Variants in SGMS1 observed in about 807,000 individuals in gnomAD.
SGMS1 encodes sphingomyelin synthase 1, also known as phosphatidylcholine:ceramide cholinephosphotransferase 1.
In SGMS1, 13 loss-of-function variants were observed where a neutral mutation model predicts 46.2. The ratio of observed to expected loss-of-function variants is 0.28; its 90% CI spans 0.18 to 0.45. The LOEUF (loss-of-function observed/expected upper bound fraction) is 0.45. SGMS1 is among the 20% of genes least tolerant of loss of function. The probability of loss-of-function intolerance (pLI) is 1.00; values close to 1 mark genes in which losing one functional copy is unlikely to be tolerated. For missense variants in SGMS1, 324 were observed against 519.9 expected (o/e 0.62, Z 3.66); for synonymous variants, 203 against 187.8 (o/e 1.08, Z -0.66).
At chr10:50,617,616 C>CGACAGA (rs2131941680) in intron 1 of SGMS1, among the ~76,000 whole-genome samples, 1 of 152,266 alleles carries the variant, frequency 6.6e-6, no homozygotes, top group South Asian at 2.1e-4. Context: ...GGGTCTCACT[C>CGACAGA]TGTCACCCAG....
At chr10:50,612,967 G>A (rs1194630322) in intron 1 of SGMS1, among the ~76,000 whole-genome samples, 2 of 152,148 alleles carry the variant, frequency 1.3e-5, no homozygotes, top group Non-Finnish European at 2.9e-5. Context: ...TAAAAACAAA[G>A]AAAGTAAACT....
At chr10:50,444,963 A>T (rs1320410894) in intron 5 of SGMS1, among the ~76,000 whole-genome samples, 2 of 152,196 alleles carry the variant, frequency 1.3e-5, no homozygotes, top group Non-Finnish European at 2.9e-5. Flanking sequence ...CATGTATCTG[A>T]CCAAAGACAC....
intron 5 of SGMS1, among the ~76,000 whole-genome samples, chr10:50,444,324 AAAG>A (rs1285927682): frequency 6.6e-6 from 1 of 152,228 alleles, no homozygotes; most frequent in Non-Finnish European, 1.5e-5. Flanking sequence ...AAACATAATA[AAAG>A]AAGACTACAG....
chr10:50,606,750 C>T (rs1838700580), intron 1 of SGMS1, among the ~76,000 whole-genome samples: 1 of 152,254 alleles, frequency 6.6e-6, no homozygotes, highest in Non-Finnish European at 1.5e-5. Flanking sequence ...AAGTAAACAT[C>T]ACAACAGCAT....
Position 50,623,762 on chromosome 10 carries a change from A to G in SGMS1, c.-739T>C. 1 of 985,422 alleles carries G rather than the reference A, an allele frequency of 1.0e-6. No homozygotes were observed. Among genetic ancestry groups the G allele is most frequent in the Non-Finnish European group, 1.2e-6 (1 of 829,964 alleles). 61.0% of individuals were successfully genotyped at this position (985,422 alleles called of 1,614,324 possible). ...TCCGCTCGCGGAGCCCCCGCCGCGG[A>G]ATGAAATCCGGGGCAGGGCAGCGTC... On this transcript the variant is annotated 5_prime_UTR_variant, in exon 1 of 11. Transcript: ENST00000361781.
At chr10:50,331,306 A>G (rs1847620493) in intron 7 of SGMS1, among the ~76,000 whole-genome samples, 1 of 152,204 alleles carries the variant, frequency 6.6e-6, no homozygotes, top group Non-Finnish European at 1.5e-5. Context: ...GGGAAAAGTG[A>G]GGTTTAGAGA....
upstream of SGMS1, chr10:50,623,989 C>T: frequency 1.2e-5 from 12 of 985,456 alleles, no homozygotes; most frequent in South Asian, 4.7e-5. Flanking sequence ...CCCGAGCCGG[C>T]CCGGCTTCCC....
intron 2 of SGMS1, among the ~76,000 whole-genome samples, chr10:50,542,426 A>G (rs1838061350): frequency 6.6e-6 from 1 of 152,278 alleles, no homozygotes; most frequent in South Asian, 2.1e-4. Flanking sequence ...GAGATACTTG[A>G]AAGATTGAGA....
At chr10:50,541,746 A>G (rs1838054525) in intron 2 of SGMS1, among the ~76,000 whole-genome samples, 1 of 152,220 alleles carries the variant, frequency 6.6e-6, no homozygotes, top group East Asian at 1.9e-4. Flanking sequence ...TTTTGAGTTT[A>G]ATCAAGAGAA....
chr10:50,307,315 T>G lies in SGMS1; in HGVS notation c.1069A>C (p.Lys357Gln), dbSNP rs202017637. 5.0e-6 allele frequency: 8 copies of G among 1,612,478 alleles called. No homozygotes were observed. Among genetic ancestry groups the G allele is most frequent in the Non-Finnish European group, 6.8e-6 (8 of 1,179,222 alleles). ...AGGAGGTTCATCTGGGAAGCTTCCT[T>G]TAGCACCTAGGATAACAAAGAAACA... ...YHTMANQQVL[K>Q]EASQMNLLAR... Residue 357 changes from lysine to glutamine, a missense_variant, in exon 11 of 11, where the codon AAG (lysine) becomes CAG (glutamine). Transcript: ENST00000361781. This position sits in a 1 kb window ranked among gnomAD's most constrained non-coding sequence, Gnocchi z 4.2.
chr10:50,312,409 G>A (rs2133278149), intron 8 of SGMS1, among the ~76,000 whole-genome samples: 1 of 150,336 alleles, frequency 6.7e-6, no homozygotes, highest in South Asian at 2.1e-4. Flanking sequence ...AATCCAAAGA[G>A]ATCACTGAAT....
At chr10:50,578,249 C>T (rs963538785) in intron 2 of SGMS1, among the ~76,000 whole-genome samples, 14 of 152,180 alleles carry the variant, frequency 9.2e-5, no homozygotes, top group East Asian at 3.9e-4. Context: ...AATACAGCCC[C>T]GCTCCCTTTG....
Position 50,378,878 on chromosome 10 carries a change from T to G in SGMS1, c.-231-34533A>C, listed in dbSNP as rs954600650. On this transcript the variant is annotated intron_variant, in intron 6 of 10. Coordinates refer to ENST00000361781, the MANE Select transcript of SGMS1 (RefSeq NM_147156.4). ...TGCACTGAGCTTGGGGTTACTACAT[T>G]ATTCTCAAATGAGTAGGGAGGTTTT... Among the ~76,000 whole-genome samples, 3 of 152,184 alleles carry G rather than the reference T, an allele frequency of 2.0e-5. No individual in the cohort carries two copies. The South Asian group carries it at 6.2e-4, about 32-fold the overall frequency.
intron 2 of SGMS1, among the ~76,000 whole-genome samples, chr10:50,561,875 A>G (rs1222701001): frequency 6.6e-6 from 1 of 152,188 alleles, no homozygotes; most frequent in Non-Finnish European, 1.5e-5. Context: ...CTCTCCCCAC[A>G]GAGGACCCCA....
At chr10:50,360,217 C>A (rs148846431) in intron 6 of SGMS1, among the ~76,000 whole-genome samples, 1 of 152,116 alleles carries the variant, frequency 6.6e-6, no homozygotes, top group Non-Finnish European at 1.5e-5. Flanking sequence ...ATGGTCCAGG[C>A]GTACAAGCCA....
rs184096022 is a variant in SGMS1, at chr10:50,416,336, A to G, written c.-232+17140T>C. ...ATAACCTTACTGAGCCTGTTCTTCA[A>G]CTATAAAACAGGGTCAAAAATACCT... On this transcript the variant is annotated intron_variant, in intron 6 of 10. Coordinates refer to ENST00000361781, the MANE Select transcript of SGMS1 (RefSeq NM_147156.4). 9.8e-5 allele frequency among the ~76,000 whole-genome samples: 15 copies of G among 152,340 alleles called. No homozygotes were observed. The East Asian group carries it at 2.7e-3, about 27-fold the overall frequency.
intron 3 of SGMS1, among the ~76,000 whole-genome samples, chr10:50,506,514 T>C (rs1208072720): frequency 1.3e-5 from 2 of 152,026 alleles, no homozygotes; most frequent in Non-Finnish European, 2.9e-5. Flanking sequence ...ACATAGATAA[T>C]GAAGTCCCTA....
At chr10:50,541,758 C>CTGG (rs1838054684) in intron 2 of SGMS1, among the ~76,000 whole-genome samples, 3 of 152,138 alleles carry the variant, frequency 2.0e-5, no homozygotes, top group African/African-American at 7.2e-5. Flanking sequence ...TCAAGAGAAC[C>CTGG]AGGGTGGAGC....
intron 6 of SGMS1, among the ~76,000 whole-genome samples, chr10:50,426,787 T>C (rs1354792168): frequency 6.6e-6 from 1 of 152,206 alleles, no homozygotes; most frequent in Non-Finnish European, 1.5e-5. Flanking sequence ...TTGATTTCAC[T>C]CCCTACTCCA....
Sources: allele counts gnomAD v4.1 joint callset (sites outside exome capture counted in the v4.1 genomes callset), GRCh38; gene constraint gnomAD v4.1.1; non-coding constraint Gnocchi (gnomAD v3.1); transcripts MANE v1.5; gene names NCBI Gene and HGNC (gene_info 2026-07-23, HGNC 2026-07-21).